The following TIAM2 variants were observed in gnomAD, a reference collection of about 807,000 sequenced individuals.
The protein encoded by TIAM2 is rho guanine nucleotide exchange factor TIAM2.
TIAM2 carries 80 observed loss-of-function variants against 152.9 expected under a neutral mutation model. That is an observed-to-expected ratio of 0.52 (90% CI 0.44 to 0.63). The LOEUF is 0.63. Ranked by LOEUF, TIAM2 falls within the 30% of genes least tolerant of loss-of-function variation. The pLI, the probability that TIAM2 is intolerant of heterozygous loss-of-function variation, is 0.00. For missense variants in TIAM2, 1,965 were observed against 2,120.1 expected, an observed-to-expected ratio of 0.93 and a Z score of 1.44; for synonymous variants, 804 against 838.0, an observed-to-expected ratio of 0.96 and a Z score of 0.70.
At chr6:155,168,612 C>A (rs1780500137) in intron 9 of TIAM2, among the ~76,000 whole-genome samples, 1 of 152,072 alleles carries the variant, frequency 6.6e-6, no homozygotes, top group South Asian at 2.1e-4. Context: ...CCACCTCAGC[C>A]TCCCAAAGTG....
chr6:155,044,334 C>T (rs1583165532), intron 1 of TIAM2, among the ~76,000 whole-genome samples: 2 of 152,152 alleles, frequency 1.3e-5, no homozygotes, highest in Admixed American at 6.5e-5. Flanking sequence ...CTAGGGCACA[C>T]GATAGGACCA....
chr6:155,138,251 C>G (rs73794469), intron 5 of TIAM2, among the ~76,000 whole-genome samples: 2,511 of 152,192 alleles, frequency 0.016, 82 homozygotes, highest in African/African-American at 0.057. Flanking sequence ...AGTCAGTAAC[C>G]AAAGGTAGTT....
chr6:155,064,263 C>T (rs1777643850), intron 1 of TIAM2, among the ~76,000 whole-genome samples: 1 of 152,096 alleles, frequency 6.6e-6, no homozygotes, highest in South Asian at 2.1e-4. Context: ...TGTTGGTGAG[C>T]ATTAGAATAA....
At chr6:155,080,371 A>G (rs1392936035) in intron 1 of TIAM2, among the ~76,000 whole-genome samples, 3 of 151,980 alleles carry the variant, frequency 2.0e-5, no homozygotes, top group African/African-American at 7.2e-5. Context: ...GGCAAGGTAT[A>G]TAACCACAGC....
chr6:155,229,170 G>C (rs1423427070), intron 15 of TIAM2, among the ~76,000 whole-genome samples: 1 of 152,114 alleles, frequency 6.6e-6, no homozygotes, highest in East Asian at 1.9e-4. Flanking sequence ...GAGATACTGA[G>C]TTTTGTTGTC....
chr6:155,102,090 G>T (rs1278412408), intron 2 of TIAM2, among the ~76,000 whole-genome samples: 8 of 151,850 alleles, frequency 5.3e-5, no homozygotes, highest in African/African-American at 1.9e-4. Context: ...TCTGCCATCT[G>T]GGTTCAAGTG....
chr6:155,110,318 C>CTTTTTTTTTTTTTTT (rs67332964), intron 2 of TIAM2, among the ~76,000 whole-genome samples: 2 of 133,794 alleles, frequency 1.5e-5, no homozygotes, highest in Admixed American at 8.2e-5. Context: ...TCTTTCTTTT[C>CTTTTTTTTTTTTTTT]TTTTTTTTTT....
At chr6:155,027,396 A>C (rs1206730290) in intron 1 of TIAM2, among the ~76,000 whole-genome samples, 1 of 126,120 alleles carries the variant, frequency 7.9e-6, no homozygotes, top group African/African-American at 3.2e-5. Context: ...TTACATATAT[A>C]CTATATATAA....
chr6:155,245,954 C>T (rs1003655812), intron 19 of TIAM2, among the ~76,000 whole-genome samples: 14 of 152,060 alleles, frequency 9.2e-5, no homozygotes, highest in African/African-American at 3.4e-4. Flanking sequence ...TGTTGCTTTG[C>T]CATGTGTCAC....
intron 1 of TIAM2, among the ~76,000 whole-genome samples, chr6:155,042,021 T>C (rs901535484): frequency 5.3e-5 from 8 of 151,738 alleles, no homozygotes; most frequent in Non-Finnish European, 1.0e-4. Flanking sequence ...CCAACCAGAC[T>C]TTTTTTCTTT....
chr6:155,125,261 A>C (rs1779265388), intron 2 of TIAM2, among the ~76,000 whole-genome samples: 1 of 151,838 alleles, frequency 6.6e-6, no homozygotes, highest in African/African-American at 2.4e-5. Context: ...ACAGAGTGAG[A>C]CTCTGTCTCA....
chr6:155,104,038 A>C (rs770376211), intron 2 of TIAM2, among the ~76,000 whole-genome samples: 915 of 79,538 alleles, frequency 0.012, 21 homozygotes, highest in African/African-American at 0.047. Flanking sequence ...TCACACACAC[A>C]CACCCCCCCC....
chr6:155,256,882 G>C lies in TIAM2; in HGVS notation c.4867G>C (p.Glu1623Gln). The change falls in exon 27 of 27, where the codon GAG becomes CAG. Residue 1623 changes from glutamate to glutamine, a missense_variant. Physicochemically the swap from Glu to Gln is conservative, Grantham distance 29. Coordinates refer to ENST00000682666, the MANE Select transcript of TIAM2 (RefSeq NM_012454.4). Reference sequence around the variant, plus strand: ...GTCGGGTGAGGGTCAGAAAGGAGGAGAGCAGCCCAAACTGGTCCGGGGGCA... The same window carrying C: ...GTCGGGTGAGGGTCAGAAAGGAGGACAGCAGCCCAAACTGGTCCGGGGGCA... ...PESGEGQKGG[E>Q]QPKLVRGHFC... 1.2e-6 allele frequency: 2 copies of C among 1,614,218 alleles called. No homozygotes were observed. The highest frequency in any genetic ancestry group is 2.2e-5 in the East Asian group (1 of 44,880).
chr6:155,236,759 T>G (rs73577502), intron 15 of TIAM2, among the ~76,000 whole-genome samples: 3,980 of 152,240 alleles, frequency 0.026, 181 homozygotes, highest in African/African-American at 0.091. Context: ...AATCATCAGA[T>G]CTTGTGAGAT....
At position 155,127,487 on chromosome 6, in the gene TIAM2, C is replaced by T. The variant is rs1011570492; in HGVS notation, c.-117-3C>T. 2.3e-6 allele frequency: 1 copy of T among 435,268 alleles called. No homozygotes were observed. The highest frequency in any genetic ancestry group is 2.0e-5 in the African/African-American group (1 of 48,946). 27.0% of individuals were successfully genotyped at this position (435,268 alleles called of 1,614,324 possible). A position where few individuals can be genotyped will look rare whatever the true frequency, so the allele number is the denominator to read the frequency against. ...AGAGTTTTCTTGCGTTTCTGTTTTT[C>T]AGGCTCACTTCATGGACTCACTTTG... On this transcript the variant is annotated splice_polypyrimidine_tract_variant and splice_region_variant and intron_variant, in intron 2 of 26. Transcript: ENST00000682666.
intron 4 of TIAM2, among the ~76,000 whole-genome samples, chr6:155,132,988 G>A (rs1019854867): frequency 3.9e-5 from 6 of 152,124 alleles, no homozygotes; most frequent in African/African-American, 9.7e-5. Context: ...TCCTACCCAC[G>A]GGAACTGGGT....
intron 6 of TIAM2, among the ~76,000 whole-genome samples, chr6:155,147,337 T>C (rs1779840591): frequency 6.6e-6 from 1 of 152,158 alleles, no homozygotes; most frequent in South Asian, 2.1e-4. Context: ...GATTGAGTCT[T>C]GCCCTGTCAC....
chr6:155,056,859 G>C (rs1487008770), intron 1 of TIAM2, among the ~76,000 whole-genome samples: 1 of 151,616 alleles, frequency 6.6e-6, no homozygotes, highest in African/African-American at 2.4e-5. Flanking sequence ...TTCTGTTCCA[G>C]GAGCCCATCC....
chr6:155,234,541 C>T (rs910297964), intron 15 of TIAM2, among the ~76,000 whole-genome samples: 1 of 152,160 alleles, frequency 6.6e-6, no homozygotes, highest in African/African-American at 2.4e-5. Flanking sequence ...TAGCTGGGAC[C>T]ATAGGCGTGT....
Sources: allele counts gnomAD v4.1 joint callset (sites outside exome capture counted in the v4.1 genomes callset), GRCh38; gene constraint gnomAD v4.1.1; transcripts MANE v1.5; gene names NCBI Gene and HGNC (gene_info 2026-07-23, HGNC 2026-07-21).